Variants in FER1L5 observed in about 807,000 individuals in gnomAD.
FER1L5 encodes the protein fer-1-like protein 5.
In FER1L5, 187 loss-of-function variants were observed where a neutral mutation model predicts 279.9. The ratio of observed to expected loss-of-function variants is 0.67; its 90% CI spans 0.59 to 0.75. The LOEUF is 0.75. Among genes scored for constraint, FER1L5 ranks in the 30% least tolerant of loss-of-function variants. The pLI is 0.00. For missense variants in FER1L5, 2,091 were observed against 2,594.4 expected, an observed-to-expected ratio of 0.81 and a Z score of 4.21; for synonymous variants, 921 against 989.7, an observed-to-expected ratio of 0.93 and a Z score of 1.30.
At chr2:96,651,791 G>A in intron 6 of FER1L5, 101 bp from the exon 7 acceptor site, 1 of 1,488,972 alleles carries the variant, frequency 6.7e-7, no homozygotes. Context: ...ACAGGCATGA[G>A]CCACTCATTG....
chr2:96,670,440 G>A lies in FER1L5; in HGVS notation c.1491+193G>A, dbSNP rs1205742184. ...GCTTCATGCTGCACCAAATCCCGGT[G>A]GTTGGGGGACCCTGATGGAAAAGAT... is the stretch of plus-strand genomic sequence containing the variant. On this transcript the variant is annotated intron_variant, in intron 18 of 52. Transcript: ENST00000624922. Among the ~76,000 whole-genome samples, 3 of 152,286 alleles carry A rather than the reference G, an allele frequency of 2.0e-5. No homozygotes were observed. The East Asian group carries it at 5.8e-4, about 29-fold the overall frequency.
chr2:96,669,676 C>T (rs2076253596), intron 17 of FER1L5, among the ~76,000 whole-genome samples: 1 of 152,160 alleles, frequency 6.6e-6, no homozygotes, highest in African/African-American at 2.4e-5. Context: ...CTGCCTCATT[C>T]CCTCCTGCCT....
rs781304374 is a variant in FER1L5 at position 96,690,559 on chromosome 2, G to A, written c.2713G>A (p.Val905Met). 6 of 1,551,714 alleles carry A rather than the reference G, an allele frequency of 3.9e-6. No homozygotes were observed. The South Asian group carries it at 7.1e-5, about 18-fold the overall frequency. ...QGWHFKKDWV[V>M]ELNHAVDSKG... The stretch of plus-strand genomic sequence containing the variant: ...CTGGCACTTTAAGAAGGACTGGGTG[G>A]TGGAGCTGAACCACGCAGTGGACAG... Residue 905 changes from valine (V) to methionine (M), a missense_variant, in exon 27 of 53, where the codon GTG becomes ATG. Coordinates refer to ENST00000624922, the MANE Select transcript of FER1L5 (RefSeq NM_001293083.2).
Position 96,662,212 on chromosome 2 carries a change from T to C in FER1L5, c.1019-3T>C, listed in dbSNP as rs2075981370. 2 of 1,551,594 alleles carry C rather than the reference T, an allele frequency of 1.3e-6. No homozygotes were observed. Among genetic ancestry groups the C allele is most frequent in the Admixed American group, 2.0e-5 (1 of 51,002 alleles). ...CAGATATCTTTTAACTTGTTGTTCA[T>C]AGAGAAACACCAGTCAGTGAATCCT... On this transcript the variant is annotated splice_region_variant and splice_polypyrimidine_tract_variant and intron_variant, in intron 12 of 52. Transcript: ENST00000624922.
intron 19 of FER1L5, among the ~76,000 whole-genome samples, chr2:96,675,870 C>T (rs1032642474): frequency 3.3e-5 from 5 of 151,906 alleles, no homozygotes; most frequent in East Asian, 1.9e-4. Flanking sequence ...CAGTCCACCC[C>T]ACTTGGCCTC....
At chr2:96,679,093 G>A (rs1192357616) in intron 19 of FER1L5, among the ~76,000 whole-genome samples, 4 of 151,880 alleles carry the variant, frequency 2.6e-5, no homozygotes, top group African/African-American at 7.3e-5. Flanking sequence ...GGTGGCTCAC[G>A]CCTGTAATCC....
rs1026859737 is a variant in FER1L5, at chr2:96,692,145, C to T, written c.3256C>T (p.Arg1086Trp). 5.8e-6 allele frequency: 9 copies of T among 1,551,692 alleles called. No individual in the cohort carries two copies. The highest frequency in any genetic ancestry group is 2.4e-5 in the East Asian group (1 of 40,924). Residue 1086 changes from arginine (R) to tryptophan (W), a missense_variant, in exon 31 of 53, where the codon CGG (arginine) becomes TGG (tryptophan). Arg to Trp is a moderately radical substitution (Grantham distance 101, BLOSUM62 -3). Coordinates refer to ENST00000624922, the MANE Select transcript of FER1L5 (RefSeq NM_001293083.2). ...GCTCTTCTGCTACATCTACCAGGCC[C>T]GGAACCTGGTGTCCAATCAGATCCT... The part of the protein sequence containing the change: ...YQLFCYIYQA[R>W]NLVSNQILTF...
chr2:96,678,211 G>T (rs1040282829), intron 19 of FER1L5, among the ~76,000 whole-genome samples: 2 of 145,170 alleles, frequency 1.4e-5, no homozygotes, highest in African/African-American at 2.6e-5. Context: ...TGCAACCTCC[G>T]CCCGCCCCCC....
intron 18 of FER1L5, among the ~76,000 whole-genome samples, chr2:96,670,832 C>T (rs767393659): frequency 4.6e-5 from 7 of 151,554 alleles, no homozygotes; most frequent in Non-Finnish European, 7.4e-5. Flanking sequence ...GTGCCGGGCA[C>T]GATGACTCAC....
At chr2:96,659,376 T>TCTTTCTTTCTTTCTTTCTTTC (rs2075794959) in intron 9 of FER1L5, among the ~76,000 whole-genome samples, 1 of 11,502 alleles carries the variant, frequency 8.7e-5, no homozygotes, top group Non-Finnish European at 1.3e-4. Context: ...TTTCTTTCTT[T>TCTTTCTTTCTTTCTTTCTTTC]CTTTCTTTCT....
chr2:96,702,403 T>C lies in FER1L5; in HGVS notation c.5255+2T>C. Reference sequence around the variant, plus strand: ...GACGAGCGACATCTACATCAAAGGGTAGGGAAGAGGAGTCAGGCTCCGGCA... The same window carrying C: ...GACGAGCGACATCTACATCAAAGGGCAGGGAAGAGGAGTCAGGCTCCGGCA... On this transcript the variant is annotated splice_donor_variant, in intron 47 of 52. Coordinates refer to ENST00000624922, the MANE Select transcript of FER1L5 (RefSeq NM_001293083.2). LOFTEE classifies it high-confidence loss of function. This position sits in a 1 kb window ranked among gnomAD's most constrained non-coding sequence, Gnocchi z 4.0. 1 of 1,609,318 alleles carries C rather than the reference T, an allele frequency of 6.2e-7. No homozygotes were observed. Among genetic ancestry groups the C allele is most frequent in the Non-Finnish European group, 8.5e-7 (1 of 1,177,944 alleles).
rs1558853362 is a variant in FER1L5, at chr2:96,659,349, C to CTTT, written c.748-992_748-991insTTT. Among the ~76,000 whole-genome samples the CTTT allele has an allele frequency of 1.8e-4, 14 of 79,246 alleles. 1 individual carries two copies. Among genetic ancestry groups the CTTT allele is most frequent in the East Asian group, 1.3e-3 (3 of 2,344 alleles). 52.0% of individuals were successfully genotyped at this position (79,246 alleles called of 152,430 possible). ...TCCTTCCTTCCTTCCTTCCTTCCTT[C>CTTT]CTTCCTTCCTTCCTTCTTTCTTTCT... On this transcript the variant is annotated intron_variant, in intron 9 of 52. Coordinates refer to ENST00000624922, the MANE Select transcript of FER1L5 (RefSeq NM_001293083.2).
rs1289642257 is a variant in FER1L5 at position 96,661,443 on chromosome 2, G to A, written c.894+3G>A. The A allele has an allele frequency of 1.3e-6, 2 of 1,551,134 alleles. No homozygotes were observed. Among genetic ancestry groups the A allele is most frequent in the Non-Finnish European group, 1.7e-6 (2 of 1,146,682 alleles). ...TCGGTGTGGGAGACCAGGCCCTGGT[G>A]AGCTGCCCCTAACCCCGGAAACTTT... On this transcript the variant is annotated splice_donor_region_variant and intron_variant, in intron 11 of 52. Transcript: ENST00000624922.
At chr2:96,658,944 G>A (rs1230348186) in intron 9 of FER1L5, among the ~76,000 whole-genome samples, 5 of 151,768 alleles carry the variant, frequency 3.3e-5, no homozygotes, top group Non-Finnish European at 7.4e-5. Context: ...TTTTGTTTTT[G>A]TTTTTGTTTT....
intron 51 of FER1L5, 137 bp downstream of exon 51, chr2:96,703,769 G>C (rs2153315115): frequency 1.6e-6 from 1 of 608,110 alleles, no homozygotes; most frequent in East Asian, 3.6e-5. Context: ...AATCAGCAAA[G>C]AACAGACTTG....
intron 10 of FER1L5, 74 bp downstream of exon 10, chr2:96,660,445 C>G (rs971099246): frequency 1.2e-4 from 171 of 1,391,630 alleles, no homozygotes; most frequent in Non-Finnish European, 1.7e-4. Context: ...TCTTAAAATC[C>G]CCATATGTCC....
intron 9 of FER1L5, among the ~76,000 whole-genome samples, chr2:96,659,342 C>A (rs866543664): frequency 1.2e-5 from 1 of 80,894 alleles, no homozygotes; most frequent in Non-Finnish European, 2.3e-5. Context: ...TCCTTCCTTC[C>A]TTCCTTCCTT....
In FER1L5 at chr2:96,697,533, G is replaced by A. The variant is rs2077426021; in HGVS notation, c.4091G>A (p.Gly1364Asp). The change falls in exon 38 of 53, where the codon GGC (glycine) becomes GAC (aspartate). Residue 1364 changes from glycine (G) to aspartate (D), a missense_variant. Physicochemically the swap from Gly to Asp is moderately conservative, Grantham distance 94. Coordinates refer to ENST00000624922, the MANE Select transcript of FER1L5 (RefSeq NM_001293083.2). ...LSEKKHQDFL[G>D]YLYRKFWFKS... ...CACCCTCTCCTTTTTCAGTTCCTAGGCTACCTCTACAGAAAGTTCTGGTTC... is the reference window on the plus strand; with the variant it reads ...CACCCTCTCCTTTTTCAGTTCCTAGACTACCTCTACAGAAAGTTCTGGTTC... 6.2e-7 allele frequency: 1 copy of A among 1,613,490 alleles called. No individual in the cohort carries two copies. The highest frequency in any genetic ancestry group is 2.2e-5 in the East Asian group (1 of 44,876).
Position 96,699,580 on chromosome 2 carries a change from G to A in FER1L5, c.4641G>A (p.Leu1547=). ...TTGAACTCACCTGCAACATACCCCT[G>A]GAGAAGGACCTAGAGATCCAGCTCT... ...MMFELTCNIP[L]EKDLEIQLYD... Residue 1547 remains leucine (L), a synonymous_variant, in exon 43 of 53, where the codon CTG becomes CTA. Coordinates refer to ENST00000624922, the MANE Select transcript of FER1L5 (RefSeq NM_001293083.2). The A allele has an allele frequency of 6.2e-7, 1 of 1,613,904 alleles. No individual in the cohort carries two copies. The highest frequency in any genetic ancestry group is 8.5e-7 in the Non-Finnish European group (1 of 1,179,878).
Sources: gnomAD v4.1 joint callset for allele counts (sites outside exome capture counted in the v4.1 genomes callset) on GRCh38, gnomAD v4.1.1 for gene constraint, Gnocchi (gnomAD v3.1) non-coding constraint, MANE v1.5 for transcripts, NCBI Gene and HGNC (gene_info 2026-07-23, HGNC 2026-07-21) for gene names.